KCTD21: variants seen among roughly 807,000 people sequenced by gnomAD.
The protein encoded by KCTD21 is BTB/POZ domain-containing protein KCTD21.
In KCTD21, 9 loss-of-function variants were observed where a neutral mutation model predicts 13.2. The observed-to-expected ratio is 0.68, with a 90% CI of 0.41 to 1.19. The LOEUF (loss-of-function observed/expected upper bound fraction) is 1.19, where lower values mean the gene tolerates loss of function less well. Among genes scored for constraint, KCTD21 ranks in the 50% most tolerant of loss-of-function variants. The pLI is 0.01. For synonymous variants in KCTD21, 142 were observed against 137.4 expected (o/e 1.03, Z -0.23); for missense variants, 303 against 336.5 (o/e 0.90, Z 0.78).
At chr11:78,182,627 A>G (rs1242264052) in intron 1 of KCTD21, among the ~76,000 whole-genome samples, 9 of 152,126 alleles carry the variant, frequency 5.9e-5, no homozygotes, top group African/African-American at 1.2e-4. Context: ...GACCGATTAC[A>G]TTGTCTTTGT....
Position 78,186,634 on chromosome 11 carries a change from A to T in KCTD21, c.-30+1939T>A, listed in dbSNP as rs532509534. ...CCGTGCTAGGCACTCTATACATGTT[A>T]ATCTCTTTCAATCTCACAGATTAAG... On this transcript the variant is annotated intron_variant, in intron 1 of 1. Coordinates refer to ENST00000340067, the MANE Select transcript of KCTD21 (RefSeq NM_001029859.3). 1.4e-5 allele frequency: 13 copies of T among 914,782 alleles called. No homozygotes were observed. In the South Asian group the frequency reaches 6.0e-4, roughly 43 times the overall value. The allele number at this position is 914,782 out of a possible 1,614,324, so 56.7% of individuals were successfully genotyped here.
At chr11:78,175,425 C>G (rs1232747629) in intron 1 of KCTD21, 1 of 151,998 alleles carries the variant, frequency 6.6e-6, no homozygotes, top group African/African-American at 2.4e-5. Flanking sequence ...GGATTCATTC[C>G]TCAAGCTCAG....
chr11:78,178,251 G>A (rs760580579), intron 1 of KCTD21, among the ~76,000 whole-genome samples: 5 of 151,598 alleles, frequency 3.3e-5, no homozygotes, highest in Admixed American at 2.6e-4. Context: ...TCAGCCTCCC[G>A]GGTAGCTGCA....
intron 1 of KCTD21, among the ~76,000 whole-genome samples, chr11:78,182,804 G>C (rs1181455546): frequency 6.6e-6 from 1 of 152,146 alleles, no homozygotes; most frequent in South Asian, 2.1e-4. Flanking sequence ...CAGCCACAGA[G>C]GTCCTAGCCA....
chr11:78,188,213 C>T, intron 1 of KCTD21: 2 of 985,064 alleles, frequency 2.0e-6, no homozygotes, highest in Non-Finnish European at 2.4e-6. Context: ...CCCAGCCCTA[C>T]AGCCCCCACT....
intron 1 of KCTD21, among the ~76,000 whole-genome samples, chr11:78,175,768 A>G: frequency 6.6e-6 from 1 of 152,136 alleles, no homozygotes; most frequent in East Asian, 1.9e-4. Flanking sequence ...GTTTTAGGGT[A>G]CATGTGCACA....
chr11:78,182,142 G>T lies in KCTD21; in HGVS notation c.-30+6431C>A, dbSNP rs141345232. Reference sequence around the variant, plus strand: ...AGATTTGTCCCCAGCTGTTGGCCAGGGCTAAAAACTGTGTAATTTCCCAAG... The same window carrying T: ...AGATTTGTCCCCAGCTGTTGGCCAGTGCTAAAAACTGTGTAATTTCCCAAG... On this transcript the variant is annotated intron_variant, in intron 1 of 1. Transcript: ENST00000340067. 1.2e-3 allele frequency among the ~76,000 whole-genome samples: 184 copies of T among 152,204 alleles called. 1 individual carries two copies. Among genetic ancestry groups the T allele is most frequent in the African/African-American group, 4.2e-3 (176 of 41,530 alleles).
At chr11:78,187,083 G>A in intron 1 of KCTD21, 1 of 985,460 alleles carries the variant, frequency 1.0e-6, no homozygotes, top group Non-Finnish European at 1.2e-6. Context: ...TTACTTGGGA[G>A]TAAATGCAAG....
intron 1 of KCTD21, chr11:78,176,154 GTTCCAAGTCTT>G (rs1221240326): frequency 2.0e-5 from 3 of 152,144 alleles, no homozygotes; most frequent in Non-Finnish European, 4.4e-5. Flanking sequence ...ATTTGGGTTG[GTTCCAAGTCTT>G]TGCTACTGTG....
intron 1 of KCTD21, chr11:78,178,123 C>CTTCTT (rs562340409): frequency 0.023 from 3,127 of 133,586 alleles, 117 homozygotes; most frequent in African/African-American, 0.069. Flanking sequence ...CCTCTAAGCC[C>CTTCTT]TTCTTTTCTT....
chr11:78,183,690 A>G (rs1209309355), intron 1 of KCTD21, among the ~76,000 whole-genome samples: 1 of 145,376 alleles, frequency 6.9e-6, no homozygotes, highest in African/African-American at 2.5e-5. Flanking sequence ...GCTGGAGTGC[A>G]GTGGTGTGAT....
intron 1 of KCTD21, chr11:78,187,199 C>T (rs956674904): frequency 2.1e-4 from 205 of 985,196 alleles, no homozygotes; most frequent in Non-Finnish European, 2.3e-4. Context: ...GGGAGACTTC[C>T]CCACCTTACC....
At chr11:78,177,372 G>A (rs1001504538) in intron 1 of KCTD21, among the ~76,000 whole-genome samples, 2 of 152,226 alleles carry the variant, frequency 1.3e-5, no homozygotes, top group Non-Finnish European at 2.9e-5. Context: ...TAGAAGCCTG[G>A]AGCAGATGGG....
rs181457567 is a variant in KCTD21 at position 78,178,914 on chromosome 11, T to A, written c.-29-4331A>T. Among the ~76,000 whole-genome samples the A allele has an allele frequency of 2.2e-3, 335 of 152,236 alleles. 1 individual carries two copies. Among genetic ancestry groups the A allele is most frequent in the African/African-American group, 7.8e-3 (323 of 41,546 alleles). On this transcript the variant is annotated intron_variant, in intron 1 of 1. Transcript: ENST00000340067. ...TCTTTGCAACCCTCCCACTCCACCA[T>A]GTCTCAGGTGGAAAGGGAGGGGGGC...
In KCTD21 at chr11:78,174,527, C is replaced by G; in HGVS notation, c.28G>C (p.Gly10Arg). 6.2e-7 allele frequency: 1 copy of G among 1,613,098 alleles called. No individual in the cohort carries two copies. Among genetic ancestry groups the G allele is most frequent in the Non-Finnish European group, 8.5e-7 (1 of 1,179,480 alleles). Residue 10 changes from glycine to arginine, a missense_variant, in exon 2 of 2, where the codon GGG becomes CGG. Gly to Arg is a moderately radical substitution (Grantham distance 125). Transcript: ENST00000340067. ...AGTGAGGTTGTATAGAGCTTCCCCC[C>G]GACGTTCAGCGTGATGGGGTCGGAC... MSDPITLNV[G>R]GKLYTTSLAT...
At chr11:78,181,083 T>C (rs1862603846) in intron 1 of KCTD21, among the ~76,000 whole-genome samples, 1 of 152,172 alleles carries the variant, frequency 6.6e-6, no homozygotes, top group African/African-American at 2.4e-5. Context: ...CTTTGTAAAT[T>C]AGCCAGTCTG....
chr11:78,174,878 G>A, intron 1 of KCTD21: 1 of 265,420 alleles, frequency 3.8e-6, no homozygotes, highest in Non-Finnish European at 7.2e-6. Flanking sequence ...AATTGGTCTG[G>A]AATACTGCCC....
chr11:78,188,319 G>C (rs556654488), intron 1 of KCTD21: 2 of 972,696 alleles, frequency 2.1e-6, no homozygotes, highest in Admixed American at 7.2e-5. Flanking sequence ...CTCATTATCC[G>C]GGCTTTTCCG....
In KCTD21 at chr11:78,174,189, C is replaced by G; in HGVS notation, c.366G>C (p.Thr122=). ...LNITLNQRVQ[T]VHFTVREAPQ... ...GTGCCTCGCGCACAGTGAAGTGGAC[C>G]GTCTGCACACGCTGGTTCAGTGTGA... Residue 122 remains threonine (T), a synonymous_variant, in exon 2 of 2, where the codon ACG becomes ACC. Transcript: ENST00000340067. 1 of 1,614,026 alleles carries G rather than the reference C, an allele frequency of 6.2e-7. No individual in the cohort carries two copies. The highest frequency in any genetic ancestry group is 8.5e-7 in the Non-Finnish European group (1 of 1,180,020).
Sources: gnomAD v4.1 joint callset for allele counts (sites outside exome capture counted in the v4.1 genomes callset) on GRCh38, gnomAD v4.1.1 for gene constraint, MANE v1.5 for transcripts, NCBI Gene and HGNC (gene_info 2026-07-23, HGNC 2026-07-21) for gene names.